The following ZBED4 variants were observed in gnomAD, a reference collection of about 807,000 sequenced individuals.
ZBED4 encodes zinc finger BED domain-containing protein 4.
In ZBED4, 4 loss-of-function variants were observed where a neutral mutation model predicts 15.5. The observed-to-expected ratio is 0.26, with a 90% CI of 0.13 to 0.59. The LOEUF (loss-of-function observed/expected upper bound fraction) is 0.59. Ranked by LOEUF, ZBED4 falls within the 20% of genes least tolerant of loss-of-function variation. The pLI is 0.90. For missense variants in ZBED4, 1,323 were observed against 1,461.8 expected, an observed-to-expected ratio of 0.91 and a Z score of 1.55; for synonymous variants, 692 against 608.5, an observed-to-expected ratio of 1.14 and a Z score of -2.02.
In ZBED4 at chr22:49,861,436, C is replaced by T. The variant is rs1388517498; in HGVS notation, c.-330+7447C>T. Among the ~76,000 whole-genome samples, 3 of 152,014 alleles carry T rather than the reference C, an allele frequency of 2.0e-5. No individual in the cohort carries two copies. In the East Asian group the frequency reaches 5.8e-4, roughly 29 times the overall value. ...GGATTACAGATGTGAGCCACCACACCTGACCTGTTTGTTTTGAGATAGCGT... is the reference window on the plus strand; with the variant it reads ...GGATTACAGATGTGAGCCACCACACTTGACCTGTTTGTTTTGAGATAGCGT... On this transcript the variant is annotated intron_variant, in intron 1 of 1. Transcript: ENST00000216268.
At position 49,884,735 on chromosome 22, in the gene ZBED4, T is replaced by C; in HGVS notation, c.1073T>C (p.Leu358Pro). 1 of 1,593,336 alleles carries C rather than the reference T, an allele frequency of 6.3e-7. No individual in the cohort carries two copies. The highest frequency in any genetic ancestry group is 8.6e-7 in the Non-Finnish European group (1 of 1,167,540). ...IPPLYSTPPTLLPSLLPPEGE... is the reference protein window; with the variant it reads ...IPPLYSTPPTPLPSLLPPEGE... ...CCACTGTACTCCACCCCTCCCACTC[T>C]GCTGCCTTCCTTGCTGCCGCCGGAG... Residue 358 changes from leucine to proline, a missense_variant, in exon 2 of 2, where the codon CTG (leucine) becomes CCG (proline). Leu to Pro is a moderately conservative substitution (Grantham distance 98, BLOSUM62 -3). Transcript: ENST00000216268.
At position 49,884,727 on chromosome 22, in the gene ZBED4, T is replaced by C; in HGVS notation, c.1065T>C (p.Pro355=). The change falls in exon 2 of 2, where the codon CCT becomes CCC. Residue 355 remains proline (P), a synonymous_variant. Coordinates refer to ENST00000216268, the MANE Select transcript of ZBED4 (RefSeq NM_014838.3). ...GTGIPPLYST[P]PTLLPSLLPP... ...GCATCCCGCCACTGTACTCCACCCCTCCCACTCTGCTGCCTTCCTTGCTGC... is the reference window on the plus strand; with the variant it reads ...GCATCCCGCCACTGTACTCCACCCCCCCCACTCTGCTGCCTTCCTTGCTGC... 6.3e-7 allele frequency: 1 copy of C among 1,594,038 alleles called. No homozygotes were observed. Among genetic ancestry groups the C allele is most frequent in the Non-Finnish European group, 8.6e-7 (1 of 1,168,290 alleles).
Position 49,885,218 on chromosome 22 carries a change from G to A in ZBED4, c.1556G>A (p.Ser519Asn), listed in dbSNP as rs759390898. The A allele has an allele frequency of 5.0e-6, 8 of 1,613,474 alleles. No individual in the cohort carries two copies. The highest frequency in any genetic ancestry group is 5.1e-6 in the Non-Finnish European group (6 of 1,179,720). Residue 519 changes from serine to asparagine, a missense_variant, in exon 2 of 2, where the codon AGT becomes AAT. By Grantham distance (46) the Ser-to-Asn change is conservative. This residue lies in a region of ZBED4 where 429 missense variants were observed against 397.9 expected (regional missense o/e 1.08). Coordinates refer to ENST00000216268, the MANE Select transcript of ZBED4 (RefSeq NM_014838.3). The stretch of plus-strand genomic sequence containing the variant: ...AGCCAGAAGGGCTTCCTGGGTGCAA[G>A]TCTGGCAAACTCTCCGTATGCCACT... Reference protein sequence around the residue: ...VGSQKGFLGASLANSPYATLA... With the variant: ...VGSQKGFLGANLANSPYATLA...
At chr22:49,880,361 C>T (rs1022453687) in intron 1 of ZBED4, among the ~76,000 whole-genome samples, 3 of 152,220 alleles carry the variant, frequency 2.0e-5, no homozygotes, top group Non-Finnish European at 2.9e-5. Flanking sequence ...GCCAAAGACA[C>T]GAGGAACCTC....
At chr22:49,877,928 T>A (rs1470361271) in intron 1 of ZBED4, among the ~76,000 whole-genome samples, 1 of 152,222 alleles carries the variant, frequency 6.6e-6, no homozygotes, top group African/African-American at 2.4e-5. Flanking sequence ...TGCTGCATAA[T>A]GATCCATTGT....
At chr22:49,882,821 G>A (rs908057229) in intron 1 of ZBED4, among the ~76,000 whole-genome samples, 18 of 152,218 alleles carry the variant, frequency 1.2e-4, no homozygotes, top group African/African-American at 3.9e-4. Flanking sequence ...CCCACAGGAC[G>A]CCTTTCCCTT....
chr22:49,884,133 C>T lies in ZBED4; in HGVS notation c.471C>T (p.Leu157=). ...KNEKDLSTSC[L]MRHVRRAHPT... ...AGAAAGACTTGAGTACCAGTTGTCT[C>T]ATGAGGCACGTGAGGCGCGCACACC... The change falls in exon 2 of 2, where the codon CTC becomes CTT. Residue 157 remains leucine, a synonymous_variant. Coordinates refer to ENST00000216268, the MANE Select transcript of ZBED4 (RefSeq NM_014838.3). 6.2e-7 allele frequency: 1 copy of T among 1,613,866 alleles called. No individual in the cohort carries two copies. The highest frequency in any genetic ancestry group is 1.1e-5 in the South Asian group (1 of 90,996).
intron 1 of ZBED4, among the ~76,000 whole-genome samples, chr22:49,869,398 C>G (rs946533651): frequency 1.3e-5 from 2 of 152,202 alleles, no homozygotes; most frequent in African/African-American, 4.8e-5. Context: ...GTCCTCCAGA[C>G]CAGATTATTT....
intron 1 of ZBED4, among the ~76,000 whole-genome samples, chr22:49,876,884 C>T (rs1450330746): frequency 6.6e-6 from 1 of 152,204 alleles, no homozygotes; most frequent in African/African-American, 2.4e-5. Flanking sequence ...ACACAGCGTT[C>T]CCACACGTGG....
chr22:49,889,507 A>G lies in ZBED4; in HGVS notation c.*2329A>G, dbSNP rs1015462024. 6.0e-6 allele frequency: 1 copy of G among 166,854 alleles called. No individual in the cohort carries two copies. The highest frequency in any genetic ancestry group is 2.4e-5 in the African/African-American group (1 of 41,334). The allele number at this position is 166,854 out of a possible 1,614,324, so 10.3% of individuals were successfully genotyped here. ...TAAGCTTTCAGCTTCATGCTGCTGT[A>G]TTTTTAGTTGAAGTGTTCTGAGTAA... On this transcript the variant is annotated 3_prime_UTR_variant, in exon 2 of 2. Transcript: ENST00000216268.
Position 49,883,599 on chromosome 22 carries a change from C to T in ZBED4, c.-64C>T, listed in dbSNP as rs1054180328. On this transcript the variant is annotated 5_prime_UTR_variant, in exon 2 of 2. Transcript: ENST00000216268. ...TGAAGATAATCTACATTCGGGGGCA[C>T]AAATGAGCACTTGGATCAGTGTTTT... The T allele has an allele frequency of 1.1e-5, 16 of 1,461,700 alleles. No homozygotes were observed. Among genetic ancestry groups the T allele is most frequent in the Non-Finnish European group, 1.3e-5 (14 of 1,100,772 alleles). 90.5% of individuals were successfully genotyped at this position (1,461,700 alleles called of 1,614,324 possible).
chr22:49,885,361 T>A lies in ZBED4; in HGVS notation c.1699T>A (p.Phe567Ile). 6.3e-7 allele frequency: 1 copy of A among 1,588,486 alleles called. No homozygotes were observed. The highest frequency in any genetic ancestry group is 8.6e-7 in the Non-Finnish European group (1 of 1,164,568). Residue 567 changes from phenylalanine (F) to isoleucine (I), a missense_variant, in exon 2 of 2, where the codon TTT (phenylalanine) becomes ATT (isoleucine). Physicochemically the swap from Phe to Ile is conservative, Grantham distance 21. This residue lies in a region of ZBED4 where 429 missense variants were observed against 397.9 expected (regional missense o/e 1.08). Coordinates refer to ENST00000216268, the MANE Select transcript of ZBED4 (RefSeq NM_014838.3). ...AAAGACCTCGAAGCTGTGGAATCAT[T>A]TTTCTATTTGCTCCGCAGACTCCAC... ...SKKTSKLWNH[F>I]SICSADSTKV...
intron 1 of ZBED4, among the ~76,000 whole-genome samples, chr22:49,876,560 G>T (rs141607831): frequency 6.6e-6 from 1 of 151,744 alleles, no homozygotes; most frequent in Non-Finnish European, 1.5e-5. Context: ...ATCTTTACCC[G>T]GTATTAATGT....
chr22:49,854,328 G>A (rs2060265680), intron 1 of ZBED4, among the ~76,000 whole-genome samples: 1 of 151,358 alleles, frequency 6.6e-6, no homozygotes, highest in South Asian at 2.1e-4. Context: ...CGGGTCCGCC[G>A]GGAGCGCGCT....
chr22:49,860,926 C>T (rs1016450908), intron 1 of ZBED4, among the ~76,000 whole-genome samples: 2 of 151,796 alleles, frequency 1.3e-5, no homozygotes, highest in African/African-American at 2.4e-5. Context: ...CTACAGGCGC[C>T]CACCACCACG....
chr22:49,886,054 T>C lies in ZBED4; in HGVS notation c.2392T>C (p.Ser798Pro). 1 of 679,244 alleles carries C rather than the reference T, an allele frequency of 1.5e-6. No homozygotes were observed. The highest frequency in any genetic ancestry group is 2.7e-6 in the Non-Finnish European group (1 of 369,384). The allele number at this position is 679,244 out of a possible 1,614,324, so 42.1% of individuals were successfully genotyped here. ...GTGCTGGTGGGAAGCGTGGGTGACC[T>C]CCACCGGCCTTCAGGTGGGCATCAC... is the stretch of plus-strand genomic sequence containing the variant. ...LECWWEAWVT[S>P]TGLQVGITVT... The change falls in exon 2 of 2, where the codon TCC becomes CCC. Residue 798 changes from serine (S) to proline (P), a missense_variant. This residue lies in a region of ZBED4 where 100 missense variants were observed against 79.3 expected (regional missense o/e 1.26). Transcript: ENST00000216268. The surrounding 1 kb of genome is among the most constrained non-coding windows in gnomAD (Gnocchi z 7.7).
chr22:49,881,329 C>G (rs191164462), intron 1 of ZBED4, among the ~76,000 whole-genome samples: 1 of 152,228 alleles, frequency 6.6e-6, no homozygotes, highest in South Asian at 2.1e-4. Context: ...GCAGCCTGGG[C>G]GACAGAGTGA....
intron 1 of ZBED4, among the ~76,000 whole-genome samples, chr22:49,882,803 G>C (rs754362014): frequency 1.3e-5 from 2 of 152,228 alleles, no homozygotes; most frequent in Non-Finnish European, 2.9e-5. Context: ...GGCTGGAAGC[G>C]GTTTTCACCC....
intron 1 of ZBED4, among the ~76,000 whole-genome samples, chr22:49,856,340 C>T (rs2060274404): frequency 6.6e-6 from 1 of 152,218 alleles, no homozygotes; most frequent in South Asian, 2.1e-4. Flanking sequence ...GAGAAAAAGG[C>T]TCAGTAAGTG....
Sources: allele counts gnomAD v4.1 joint callset (sites outside exome capture counted in the v4.1 genomes callset), GRCh38; gene constraint gnomAD v4.1.1; regional missense constraint gnomAD v4.1.1; non-coding constraint Gnocchi (gnomAD v3.1); transcripts MANE v1.5; gene names NCBI Gene and HGNC (gene_info 2026-07-23, HGNC 2026-07-21).